Variants in COQ2 observed in about 807,000 individuals in gnomAD.
COQ2 encodes the protein 4-hydroxybenzoate polyprenyltransferase, mitochondrial.
COQ2 carries 25 observed loss-of-function variants against 35.7 expected under a neutral mutation model. The observed-to-expected ratio is 0.70, with a 90% CI of 0.51 to 0.98. The LOEUF (loss-of-function observed/expected upper bound fraction) is 0.98, where lower values mean the gene tolerates loss of function less well. Ranked by LOEUF, COQ2 falls within the 50% of genes least tolerant of loss-of-function variation. COQ2 has a pLI of 0.00. For missense variants in COQ2, 488 were observed against 473.5 expected, an observed-to-expected ratio of 1.03 and a Z score of -0.28; for synonymous variants, 206 against 186.2, an observed-to-expected ratio of 1.11 and a Z score of -0.86.
At position 83,264,366 on chromosome 4, in the gene COQ2, G is replaced by A. The variant is rs1224153112; in HGVS notation, c.952-3C>T. ...CTGTGGATGTCTAGAGTGTAAATCT[G>A]CAAGAGAGGAATACAAAGTTGTATT... On this transcript the variant is annotated splice_polypyrimidine_tract_variant and splice_region_variant and intron_variant, in intron 6 of 6. Coordinates refer to ENST00000647002, the MANE Select transcript of COQ2 (RefSeq NM_001358921.2). The A allele has an allele frequency of 6.3e-7, 1 of 1,592,850 alleles. No homozygotes were observed. Among genetic ancestry groups the A allele is most frequent in the East Asian group, 2.3e-5 (1 of 43,832 alleles).
chr4:83,273,976 TCTA>T (rs1735107224), intron 2 of COQ2, among the ~76,000 whole-genome samples: 1 of 92,558 alleles, frequency 1.1e-5, no homozygotes, highest in Non-Finnish European at 2.0e-5. Flanking sequence ...AGGCGCTGTC[TCTA>T]CAAAAAAAAA....
At position 83,269,955 on chromosome 4, in the gene COQ2, C is replaced by T. The variant is rs1735008410; in HGVS notation, c.667G>A (p.Ala223Thr). The change falls in exon 5 of 7, where the codon GCT (alanine) becomes ACT (threonine). Residue 223 changes from alanine to threonine, a missense_variant. Physicochemically the swap from Ala to Thr is moderately conservative, Grantham distance 58. Transcript: ENST00000647002. Reference sequence around the variant, plus strand: ...GATGGATCACAGGAACCCTTGATAGCAGACCATCCAAGTAACGCTCCCCAA... The same window carrying T: ...GATGGATCACAGGAACCCTTGATAGTAGACCATCCAAGTAACGCTCCCCAA... ...FNWGALLGWS[A>T]IKGSCDPSVC... 1 of 1,613,240 alleles carries T rather than the reference C, an allele frequency of 6.2e-7. No homozygotes were observed. Among genetic ancestry groups the T allele is most frequent in the African/African-American group, 1.3e-5 (1 of 74,872 alleles).
chr4:83,263,946 C>T lies in COQ2; in HGVS notation c.*253G>A, dbSNP rs1734850330. ...GCCAAAACCCGTGCAATCCCCATAA[C>T]TTCAGGTGAGAATTATAATGGGCAG... On this transcript the variant is annotated 3_prime_UTR_variant, in exon 7 of 7. Transcript: ENST00000647002. 5 of 254,138 alleles carry T rather than the reference C, an allele frequency of 2.0e-5. No homozygotes were observed. The Admixed American group carries it at 2.9e-4, about 15-fold the overall frequency. 15.7% of individuals were successfully genotyped at this position (254,138 alleles called of 1,614,324 possible). A position where few individuals can be genotyped will look rare whatever the true frequency, so the allele number is the denominator to read the frequency against.
At chr4:83,281,966 T>C (rs968756742) in intron 1 of COQ2, among the ~76,000 whole-genome samples, 1 of 152,224 alleles carries the variant, frequency 6.6e-6, no homozygotes, top group Non-Finnish European at 1.5e-5. Flanking sequence ...GCAATGTTTT[T>C]TTTTTTTTGT....
chr4:83,276,470 T>C (rs1735186297), intron 2 of COQ2, among the ~76,000 whole-genome samples: 1 of 152,164 alleles, frequency 6.6e-6, no homozygotes, highest in Non-Finnish European at 1.5e-5. Context: ...TCACTAATCA[T>C]CAGAGAAATG....
intron 3 of COQ2, 55 bp from the exon 4 acceptor site, chr4:83,272,227 C>T (rs1268426309): frequency 4.9e-6 from 5 of 1,021,132 alleles, no homozygotes; most frequent in Middle Eastern, 2.1e-4. Flanking sequence ...TTAGAAACCA[C>T]GAAATACTTT....
chr4:83,276,901 A>G (rs1235440973), intron 2 of COQ2, among the ~76,000 whole-genome samples: 2 of 152,218 alleles, frequency 1.3e-5, no homozygotes, highest in Non-Finnish European at 2.9e-5. Context: ...ACATGGATGG[A>G]ACTGGAGGCT....
chr4:83,282,010 CTGTGAAG>C (rs1197272567), intron 1 of COQ2, among the ~76,000 whole-genome samples: 5 of 148,420 alleles, frequency 3.4e-5, no homozygotes, highest in Middle Eastern at 3.4e-3. Flanking sequence ...CCATACTTTT[CTGTGAAG>C]AAAGACGCAG....
At chr4:83,277,797 C>T (rs4693598) in intron 2 of COQ2, among the ~76,000 whole-genome samples, 96,455 of 151,980 alleles carry the variant, frequency 0.63, 32,043 homozygotes, top group East Asian at 0.87. Context: ...TGGAGAAACC[C>T]TGTCTCTACT....
At chr4:83,265,272 G>T (rs960508156) in intron 6 of COQ2, among the ~76,000 whole-genome samples, 1 of 152,024 alleles carries the variant, frequency 6.6e-6, no homozygotes, top group African/African-American at 2.4e-5. Flanking sequence ...ACACTGTATC[G>T]AAAACTGGAC....
intron 2 of COQ2, among the ~76,000 whole-genome samples, chr4:83,274,100 G>A (rs1735111838): frequency 6.6e-6 from 1 of 151,886 alleles, no homozygotes; most frequent in Non-Finnish European, 1.5e-5. Context: ...AAGCTGCAGT[G>A]AGTCATGATT....
rs141221522 is a variant in COQ2 at position 83,283,558 on chromosome 4, C to T, written c.253+954G>A. On this transcript the variant is annotated intron_variant, in intron 1 of 6. Coordinates refer to ENST00000647002, the MANE Select transcript of COQ2 (RefSeq NM_001358921.2). ...TCTCGAAACTTTCCAGCAAGGGATC[C>T]ACAGTAATTTCTCTTTTTCCTGTAG... The T allele has an allele frequency of 1.6e-4, 161 of 985,424 alleles. 1 individual carries two copies. The Middle Eastern group carries it at 7.3e-3, about 45-fold the overall frequency. 61.0% of individuals were successfully genotyped at this position (985,424 alleles called of 1,614,324 possible). A position where few individuals can be genotyped will look rare whatever the true frequency, so the allele number is the denominator to read the frequency against.
rs750064952 is a variant in COQ2, at chr4:83,267,688, A to G, written c.849T>C (p.Ser283=). The G allele has an allele frequency of 3.2e-6, 5 of 1,559,454 alleles. No homozygotes were observed. The Middle Eastern group carries it at 5.0e-4, about 156-fold the overall frequency. The part of the protein sequence containing the change: ...ENTKPWLSGF[S]VAMLGALSLV... ...GGCTCAGTGCCCCCAGCATTGCAAC[A>G]CTGAAGCCGCTGAGCCACGGCTTGG... The change falls in exon 6 of 7, where the codon AGT becomes AGC. Residue 283 remains serine, a synonymous_variant. Coordinates refer to ENST00000647002, the MANE Select transcript of COQ2 (RefSeq NM_001358921.2).
chr4:83,284,749 C>G lies in COQ2; in HGVS notation c.16G>C (p.Ala6Pro), dbSNP rs1253894006. The G allele has an allele frequency of 6.5e-7, 1 of 1,533,346 alleles. No individual in the cohort carries two copies. Among genetic ancestry groups the G allele is most frequent in the Non-Finnish European group, 8.7e-7 (1 of 1,146,778 alleles). The allele number at this position is 1,533,346 out of a possible 1,614,324, so 95.0% of individuals were successfully genotyped here. Residue 6 changes from alanine to proline, a missense_variant, in exon 1 of 7, where the codon GCC becomes CCC. Coordinates refer to ENST00000647002, the MANE Select transcript of COQ2 (RefSeq NM_001358921.2). MLGSR[A>P]AGFARGLRAV... The stretch of plus-strand genomic sequence containing the variant: ...CGCAGGCCCCGCGCGAACCCCGCGG[C>G]TCGCGAGCCCAGCATGGCGCTGGTG...
rs1160184332 is a variant in COQ2 at position 83,273,592 on chromosome 4, A to G, written c.446T>C (p.Ile149Thr). The G allele has an allele frequency of 6.2e-7, 1 of 1,613,476 alleles. No individual in the cohort carries two copies. The highest frequency in any genetic ancestry group is 2.2e-5 in the East Asian group (1 of 44,880). The change falls in exon 3 of 7, where the codon ATA becomes ACA. Residue 149 changes from isoleucine (I) to threonine (T), a missense_variant. Physicochemically the swap from Ile to Thr is moderately conservative, Grantham distance 89. Coordinates refer to ENST00000647002, the MANE Select transcript of COQ2 (RefSeq NM_001358921.2). ...AAAAGTTGAAATGTCTCCAGCGGCTATTGGACGATTGGCTGTTCTTGTAAC... is the reference window on the plus strand; with the variant it reads ...AAAAGTTGAAATGTCTCCAGCGGCTGTTGGACGATTGGCTGTTCTTGTAAC... ...KKVTRTANRP[I>T]AAGDISTFQS...
chr4:83,273,650 T>G, intron 2 of COQ2, 33 bp from the exon 3 acceptor site: 1 of 1,600,334 alleles, frequency 6.2e-7, no homozygotes, highest in African/African-American at 1.3e-5. Flanking sequence ...CTTAGCTTCA[T>G]GTAATGACTC....
chr4:83,276,677 C>G (rs556078148), intron 2 of COQ2, among the ~76,000 whole-genome samples: 1 of 152,322 alleles, frequency 6.6e-6, no homozygotes, highest in South Asian at 2.1e-4. Flanking sequence ...ACTAATTCAA[C>G]AATCCCACTA....
At chr4:83,277,973 A>AACACACAC (rs10595798) in intron 2 of COQ2, among the ~76,000 whole-genome samples, 1 of 140,166 alleles carries the variant, frequency 7.1e-6, no homozygotes, top group Non-Finnish European at 1.5e-5. Flanking sequence ...TCCATCTCAA[A>AACACACAC]ACACACACAC....
At chr4:83,279,961 A>G (rs1735279326) in intron 1 of COQ2, among the ~76,000 whole-genome samples, 1 of 151,430 alleles carries the variant, frequency 6.6e-6, no homozygotes, top group African/African-American at 2.4e-5. Context: ...CCTGAGCTCA[A>G]GTGATCCTCC....
Sources: allele counts gnomAD v4.1 joint callset (sites outside exome capture counted in the v4.1 genomes callset), GRCh38; gene constraint gnomAD v4.1.1; transcripts MANE v1.5; gene names NCBI Gene and HGNC (gene_info 2026-07-23, HGNC 2026-07-21).